Variants in KIF1B observed in about 807,000 individuals in gnomAD.
KIF1B encodes the protein kinesin-like protein KIF1B.
Under a neutral mutation model 241.9 loss-of-function variants are expected in KIF1B, and 76 were observed. That is an observed-to-expected ratio of 0.31 (90% CI 0.26 to 0.38). KIF1B has a LOEUF of 0.38. KIF1B is among the 10% of genes least tolerant of loss of function. The pLI, the probability that KIF1B is intolerant of heterozygous loss-of-function variation, is 1.00. For synonymous variants in KIF1B, 750 were observed against 796.7 expected, an observed-to-expected ratio of 0.94 and a Z score of 0.99; for missense variants, 1,622 against 2,271.4, an observed-to-expected ratio of 0.71 and a Z score of 5.81.
chr1:10,226,333 G>A (rs1646908234), intron 1 of KIF1B, among the ~76,000 whole-genome samples: 1 of 152,186 alleles, frequency 6.6e-6, no homozygotes, highest in South Asian at 2.1e-4. Context: ...GCTAGGTAGA[G>A]GAGTCGAGTA....
At chr1:10,350,701 G>A (rs1297144091) in intron 37 of KIF1B, among the ~76,000 whole-genome samples, 1 of 152,188 alleles carries the variant, frequency 6.6e-6, no homozygotes, top group Non-Finnish European at 1.5e-5. Flanking sequence ...CCAATTTTTA[G>A]TTAAAGGTTT....
At chr1:10,286,487 A>T (rs1649722140) in intron 15 of KIF1B, among the ~76,000 whole-genome samples, 2 of 152,258 alleles carry the variant, frequency 1.3e-5, no homozygotes, top group Non-Finnish European at 2.9e-5. Flanking sequence ...AGGCAAGGGC[A>T]AATGCTGTGC....
intron 25 of KIF1B, among the ~76,000 whole-genome samples, chr1:10,324,447 T>C (rs1056791925): frequency 3.3e-5 from 5 of 152,194 alleles, no homozygotes; most frequent in Non-Finnish European, 7.3e-5. Flanking sequence ...AATGAGGTAT[T>C]TCCCCCGTCT....
intron 27 of KIF1B, 148 bp from the exon 28 acceptor site, chr1:10,334,372 C>G (rs1652081883): frequency 1.4e-6 from 1 of 739,958 alleles, no homozygotes. Flanking sequence ...CAGCTGGAGG[C>G]AAATCTGAGA....
rs1369170031 is a variant in KIF1B, at chr1:10,347,725, G to A, written c.3798-36G>A. 4.5e-6 allele frequency: 7 copies of A among 1,562,106 alleles called. No individual in the cohort carries two copies. The East Asian group carries it at 6.7e-5, about 15-fold the overall frequency. ...GGGGCTAAGCCTTGCAGATGAAGTA[G>A]CACTTAGTTTTTTCTTTTGCGTTTC... On this transcript the variant is annotated intron_variant, in intron 35 of 48. Coordinates refer to ENST00000676179, the MANE Select transcript of KIF1B (RefSeq NM_001365951.3).
In KIF1B at chr1:10,303,612, T is replaced by A. The variant is rs1650657345; in HGVS notation, c.2115+6366T>A. ...AGAAGATCGAAGACGTCATGGCCAC[T>A]GGGAAAGGCAGCACTGATGTAGATG... On this transcript the variant is annotated intron_variant, in intron 22 of 48. Coordinates refer to ENST00000676179, the MANE Select transcript of KIF1B (RefSeq NM_001365951.3). The surrounding 1 kb of genome is among the most constrained non-coding windows in gnomAD (Gnocchi z 5.2). The A allele has an allele frequency of 6.2e-7, 1 of 1,614,154 alleles. No homozygotes were observed.
rs1057063238 is a variant in KIF1B at position 10,303,498 on chromosome 1, T to C, written c.2115+6252T>C. The C allele has an allele frequency of 2.9e-5, 47 of 1,614,026 alleles. No homozygotes were observed. The highest frequency in any genetic ancestry group is 4.0e-5 in the African/African-American group (3 of 74,900). On this transcript the variant is annotated intron_variant, in intron 22 of 48. Transcript: ENST00000676179. This position sits in a 1 kb window ranked among gnomAD's most constrained non-coding sequence, Gnocchi z 5.2. The stretch of plus-strand genomic sequence containing the variant: ...CCATTGTCAAGATGAAGGAGCTTTG[T>C]GCCATGTATGGCAAGAAAGACCCCA...
chr1:10,310,961 A>C (rs1181371025), intron 22 of KIF1B, among the ~76,000 whole-genome samples: 1 of 151,548 alleles, frequency 6.6e-6, no homozygotes. Flanking sequence ...TCCTTTGTCT[A>C]GTTTTGCCTG....
At position 10,303,091 on chromosome 1, in the gene KIF1B, G is replaced by A. The variant is rs1650622206; in HGVS notation, c.2115+5845G>A. Reference sequence around the variant, plus strand: ...AGGCTTTTTTGCTTGCTTTTTCTTCGATTTAATTTTCCTTTTTTACATTTT... The same window carrying A: ...AGGCTTTTTTGCTTGCTTTTTCTTCAATTTAATTTTCCTTTTTTACATTTT... On this transcript the variant is annotated intron_variant, in intron 22 of 48. Coordinates refer to ENST00000676179, the MANE Select transcript of KIF1B (RefSeq NM_001365951.3). This position sits in a 1 kb window ranked among gnomAD's most constrained non-coding sequence, Gnocchi z 5.2. 1.5e-5 allele frequency: 23 copies of A among 1,523,092 alleles called. 1 individual carries two copies. The South Asian group carries it at 2.9e-4, about 19-fold the overall frequency. The allele number at this position is 1,523,092 out of a possible 1,614,324, so 94.3% of individuals were successfully genotyped here.
chr1:10,275,731 G>A (rs1649063274), intron 11 of KIF1B, among the ~76,000 whole-genome samples: 1 of 152,090 alleles, frequency 6.6e-6, no homozygotes, highest in Admixed American at 6.6e-5. Context: ...CATGAACTGT[G>A]CAGTAGTTGT....
chr1:10,329,988 A>G (rs1038752432), intron 27 of KIF1B, among the ~76,000 whole-genome samples: 12 of 152,198 alleles, frequency 7.9e-5, no homozygotes, highest in Admixed American at 5.2e-4. Flanking sequence ...CTTAACTGAC[A>G]TTCTTTCTAT....
chr1:10,347,890 C>T (rs577063233), intron 36 of KIF1B, 63 bp downstream of exon 36: 72 of 1,325,116 alleles, frequency 5.4e-5, no homozygotes, highest in African/African-American at 1.0e-4. Flanking sequence ...GAATAAGAGA[C>T]GGAATTCTTT....
chr1:10,304,761 T>C, intron 22 of KIF1B: 1 of 1,540,794 alleles, frequency 6.5e-7, no homozygotes, highest in Non-Finnish European at 8.7e-7. Flanking sequence ...TTATAAATAT[T>C]AACTGGTTTT....
intron 1 of KIF1B, among the ~76,000 whole-genome samples, chr1:10,221,271 T>C (rs1404254159): frequency 1.3e-5 from 2 of 151,808 alleles, no homozygotes; most frequent in African/African-American, 2.4e-5. Context: ...CTAATTTTTG[T>C]ATTTTTAGCA....
intron 22 of KIF1B, chr1:10,304,263 A>T (rs1177827261): frequency 1.2e-6 from 2 of 1,614,192 alleles, no homozygotes; most frequent in East Asian, 2.2e-5. Flanking sequence ...AAGGAATGAG[A>T]AGTCAAGATC....
chr1:10,305,147 G>A (rs1450631657), intron 22 of KIF1B: 7 of 1,050,424 alleles, frequency 6.7e-6, no homozygotes, highest in Non-Finnish European at 8.0e-6. Context: ...ATCCACGTCT[G>A]TTCCCTTCTT....
intron 1 of KIF1B, among the ~76,000 whole-genome samples, chr1:10,215,477 A>G (rs946209891): frequency 2.7e-5 from 4 of 149,020 alleles, no homozygotes; most frequent in East Asian, 2.0e-4. Context: ...TGCCCGGCCT[A>G]TTTTTTGTAT....
rs1270051724 is a variant in KIF1B at position 10,380,263 on chromosome 1, C to T, written c.*3676C>T. On this transcript the variant is annotated 3_prime_UTR_variant, in exon 49 of 49. Coordinates refer to ENST00000676179, the MANE Select transcript of KIF1B (RefSeq NM_001365951.3). ...CAGTGGATTGGAGAGAAAGGATTCTCCAGTGTGCACACTCATCGGTACTCT... is the reference window on the plus strand; with the variant it reads ...CAGTGGATTGGAGAGAAAGGATTCTTCAGTGTGCACACTCATCGGTACTCT... 9.4e-6 allele frequency: 2 copies of T among 212,282 alleles called. No homozygotes were observed. The highest frequency in any genetic ancestry group is 1.9e-5 in the Non-Finnish European group (2 of 104,578). The allele number at this position is 212,282 out of a possible 1,614,324, so 13.1% of individuals were successfully genotyped here. A position where few individuals can be genotyped will look rare whatever the true frequency, so the allele number is the denominator to read the frequency against.
chr1:10,364,483 C>T (rs996338794), intron 41 of KIF1B, among the ~76,000 whole-genome samples: 7 of 145,664 alleles, frequency 4.8e-5, no homozygotes, highest in South Asian at 4.4e-4. Flanking sequence ...GGATTACAGG[C>T]GTGAGCCATC....
Sources: gnomAD v4.1 joint callset for allele counts (sites outside exome capture counted in the v4.1 genomes callset) on GRCh38, gnomAD v4.1.1 for gene constraint, Gnocchi (gnomAD v3.1) non-coding constraint, MANE v1.5 for transcripts, NCBI Gene and HGNC (gene_info 2026-07-23, HGNC 2026-07-21) for gene names.